The following LDLRAD4 variants were observed in gnomAD, a reference collection of about 807,000 sequenced individuals.
The protein encoded by LDLRAD4 is low-density lipoprotein receptor class A domain-containing protein 4.
Under a neutral mutation model 17.0 loss-of-function variants are expected in LDLRAD4, and 5 were observed. The observed-to-expected ratio is 0.29, with a 90% CI of 0.15 to 0.62. The LOEUF (loss-of-function observed/expected upper bound fraction) is 0.62. Among genes scored for constraint, LDLRAD4 ranks in the 20% least tolerant of loss-of-function variants. The pLI is 0.84. For missense variants in LDLRAD4, 340 were observed against 424.7 expected (o/e 0.80, Z 1.75); for synonymous variants, 168 against 171.8 (o/e 0.98, Z 0.17).
chr18:13,353,591 C>A (rs545208357), intron 1 of LDLRAD4, among the ~76,000 whole-genome samples: 13 of 152,200 alleles, frequency 8.5e-5, no homozygotes, highest in Non-Finnish European at 1.8e-4. Context: ...GCCTGAGAGG[C>A]AAGCTGTGGT....
At chr18:13,358,350 T>G (rs563944470) in intron 1 of LDLRAD4, among the ~76,000 whole-genome samples, 66 of 152,142 alleles carry the variant, frequency 4.3e-4, no homozygotes, top group Middle Eastern at 3.4e-3. Context: ...ATTTTATATA[T>G]AGAGAGAGAT....
At chr18:13,368,925 C>T (rs1204653943) in intron 1 of LDLRAD4, among the ~76,000 whole-genome samples, 1 of 152,206 alleles carries the variant, frequency 6.6e-6, no homozygotes, top group Non-Finnish European at 1.5e-5. Flanking sequence ...ATGGACTCAG[C>T]GGTCCTGGCC....
chr18:13,513,174 G>A (rs967902615), intron 3 of LDLRAD4, among the ~76,000 whole-genome samples: 4 of 152,122 alleles, frequency 2.6e-5, no homozygotes, highest in Non-Finnish European at 5.9e-5. Context: ...CTTTGTTCTG[G>A]GTGGCACTTG....
rs4496229 is a variant in LDLRAD4, at chr18:13,377,907, A to G, written c.-382-9434A>G. Among the ~76,000 whole-genome samples the G allele has an allele frequency of 7.7e-3, 1,167 of 152,322 alleles. 17 individuals are homozygous for G. The highest frequency in any genetic ancestry group is 0.027 in the African/African-American group (1,116 of 41,566). The stretch of plus-strand genomic sequence containing the variant: ...CACCCCCACTCACCTTGAATTGGAT[A>G]CCGAGTTGTGAAAAATTATATAAAG... On this transcript the variant is annotated intron_variant, in intron 1 of 5. Coordinates refer to ENST00000359446, the Ensembl canonical transcript of LDLRAD4.
chr18:13,442,838 A>C (rs1460671282), intron 3 of LDLRAD4, among the ~76,000 whole-genome samples: 1 of 152,198 alleles, frequency 6.6e-6, no homozygotes, highest in Non-Finnish European at 1.5e-5. Context: ...CAGACCCCCG[A>C]AGCCAGCGCT....
chr18:13,474,511 G>A (rs1019194377), intron 3 of LDLRAD4, among the ~76,000 whole-genome samples: 1 of 152,228 alleles, frequency 6.6e-6, no homozygotes, highest in African/African-American at 2.4e-5. Flanking sequence ...GAAAGTGATG[G>A]TGTGGCCAGT....
chr18:13,351,084 T>G (rs1221760279), intron 1 of LDLRAD4, among the ~76,000 whole-genome samples: 1 of 152,230 alleles, frequency 6.6e-6, no homozygotes. Flanking sequence ...GCTTTGTTCT[T>G]TTTGCTTAGG....
chr18:13,633,701 G>C (rs889407532), intron 4 of LDLRAD4, among the ~76,000 whole-genome samples: 1 of 146,604 alleles, frequency 6.8e-6, no homozygotes, highest in Non-Finnish European at 1.5e-5. Flanking sequence ...GGCAGCAGGA[G>C]CGGGGAGAAG....
intron 1 of LDLRAD4, among the ~76,000 whole-genome samples, chr18:13,228,112 C>T (rs1226493564): frequency 6.6e-6 from 1 of 152,176 alleles, no homozygotes; most frequent in African/African-American, 2.4e-5. Context: ...CACTCTGTCC[C>T]AGGTGCACAC....
intron 2 of LDLRAD4, among the ~76,000 whole-genome samples, chr18:13,425,449 A>G (rs918227001): frequency 1.3e-5 from 2 of 152,210 alleles, no homozygotes; most frequent in African/African-American, 4.8e-5. Context: ...CAGAGATAGT[A>G]TTGAGAAAAC....
chr18:13,461,750 A>G (rs1206446952), intron 3 of LDLRAD4, among the ~76,000 whole-genome samples: 1 of 152,192 alleles, frequency 6.6e-6, no homozygotes, highest in East Asian at 1.9e-4. Context: ...ACAAAGTTAC[A>G]CCCTATGCAA....
At position 13,369,058 on chromosome 18, in the gene LDLRAD4, G is replaced by A. The variant is rs559146290; in HGVS notation, c.-382-18283G>A. 3.3e-5 allele frequency among the ~76,000 whole-genome samples: 5 copies of A among 152,306 alleles called. No individual in the cohort carries two copies. In the East Asian group the frequency reaches 7.8e-4, roughly 24 times the overall value. ...TCAGTCATTGTCCGTGTGTGTCAGCGGTGAGCTGGACGTCAGGCTATAGAA... is the reference window on the plus strand; with the variant it reads ...TCAGTCATTGTCCGTGTGTGTCAGCAGTGAGCTGGACGTCAGGCTATAGAA... On this transcript the variant is annotated intron_variant, in intron 1 of 5. Coordinates refer to ENST00000359446, the Ensembl canonical transcript of LDLRAD4.
intron 2 of LDLRAD4, among the ~76,000 whole-genome samples, chr18:13,399,659 TG>T (rs1199222867): frequency 6.6e-6 from 1 of 152,264 alleles, no homozygotes; most frequent in Non-Finnish European, 1.5e-5. Flanking sequence ...GCGTCCCATT[TG>T]CCAGTGGCAT....
intron 3 of LDLRAD4, among the ~76,000 whole-genome samples, chr18:13,504,156 G>A (rs961272135): frequency 6.6e-6 from 1 of 152,202 alleles, no homozygotes; most frequent in Non-Finnish European, 1.5e-5. Context: ...TGGCCCCAGA[G>A]TCCGTTCGCT....
At chr18:13,348,660 G>A (rs1337300398) in intron 1 of LDLRAD4, among the ~76,000 whole-genome samples, 1 of 152,186 alleles carries the variant, frequency 6.6e-6, no homozygotes, top group Admixed American at 6.5e-5. Flanking sequence ...GCTATGCCCT[G>A]CCCCCAGAGG....
At chr18:13,245,386 G>A (rs2042906644) in intron 1 of LDLRAD4, among the ~76,000 whole-genome samples, 1 of 152,220 alleles carries the variant, frequency 6.6e-6, no homozygotes, top group Non-Finnish European at 1.5e-5. Flanking sequence ...TTTTTGCTGA[G>A]TTTATTCCAG....
chr18:13,400,445 T>G lies in LDLRAD4; in HGVS notation c.40+12683T>G, dbSNP rs528044191. 9.2e-5 allele frequency among the ~76,000 whole-genome samples: 14 copies of G among 152,310 alleles called. No homozygotes were observed. In the East Asian group the frequency reaches 2.3e-3, roughly 25 times the overall value. ...GGGGTGAGGGTAGGCCCACCTGTCA[T>G]GGCACTGGGACTGGGCTGCTGGGTG... On this transcript the variant is annotated intron_variant, in intron 2 of 5. Transcript: ENST00000359446.
chr18:13,560,420 C>T (rs918565879), intron 3 of LDLRAD4, among the ~76,000 whole-genome samples: 2 of 152,176 alleles, frequency 1.3e-5, no homozygotes, highest in Non-Finnish European at 2.9e-5. Context: ...GTGCTGCTGT[C>T]CTTGGTTGGT....
Position 13,358,311 on chromosome 18 carries a change from T to C in LDLRAD4, c.-382-29030T>C, listed in dbSNP as rs1342469615. 3.9e-5 allele frequency among the ~76,000 whole-genome samples: 6 copies of C among 152,126 alleles called. No individual in the cohort carries two copies. The East Asian group carries it at 7.7e-4, about 20-fold the overall frequency. On this transcript the variant is annotated intron_variant, in intron 1 of 5. Transcript: ENST00000359446. ...TTATCTATCTATCTGTTTATCGATA[T>C]AGATATCTAGATTATATATATCTAG...
Sources: allele counts gnomAD v4.1 joint callset (sites outside exome capture counted in the v4.1 genomes callset), GRCh38; gene constraint gnomAD v4.1.1; transcripts MANE v1.5; gene names NCBI Gene and HGNC (gene_info 2026-07-23, HGNC 2026-07-21).